TAFA5: variants seen among roughly 807,000 people sequenced by gnomAD.
The protein encoded by TAFA5 is chemokine-like protein TAFA-5.
In TAFA5, 6 loss-of-function variants were observed where a neutral mutation model predicts 15.3. The ratio of observed to expected loss-of-function variants is 0.39; its 90% CI spans 0.21 to 0.77. The LOEUF is 0.77. Among genes scored for constraint, TAFA5 ranks in the 30% least tolerant of loss-of-function variants. The probability of loss-of-function intolerance (pLI) is 0.41; values close to 1 mark genes in which losing one functional copy is unlikely to be tolerated. For synonymous variants in TAFA5, 103 were observed against 80.7 expected (o/e 1.28, Z -1.48); for missense variants, 161 against 193.1 (o/e 0.83, Z 0.98).
intron 1 of TAFA5, among the ~76,000 whole-genome samples, chr22:48,606,126 A>G (rs1925185570): frequency 6.6e-6 from 1 of 152,164 alleles, no homozygotes; most frequent in African/African-American, 2.4e-5. Flanking sequence ...GAGCCCCATG[A>G]GAGTCAGCAG....
intron 1 of TAFA5, among the ~76,000 whole-genome samples, chr22:48,641,736 C>T (rs1188512993): frequency 6.6e-6 from 1 of 152,140 alleles, no homozygotes; most frequent in East Asian, 1.9e-4. Context: ...CCAGGCCAAC[C>T]CAGCGGAAAG....
intron 2 of TAFA5, among the ~76,000 whole-genome samples, chr22:48,701,929 G>A (rs1217084930): frequency 1.3e-5 from 2 of 152,236 alleles, no homozygotes; most frequent in African/African-American, 4.8e-5. Context: ...TCATCCCGGG[G>A]ACTGGGGGGC....
At chr22:48,593,774 C>T (rs966471400) in intron 1 of TAFA5, among the ~76,000 whole-genome samples, 1 of 152,122 alleles carries the variant, frequency 6.6e-6, no homozygotes, top group African/African-American at 2.4e-5. Flanking sequence ...CTCCACTTCC[C>T]GATCTGTGAA....
chr22:48,601,419 C>T (rs1405436799), intron 1 of TAFA5, among the ~76,000 whole-genome samples: 1 of 152,110 alleles, frequency 6.6e-6, no homozygotes, highest in Non-Finnish European at 1.5e-5. Flanking sequence ...CTCTGCCTCC[C>T]AGGCTCAAGC....
chr22:48,517,410 AC>A (rs1921449554), intron 1 of TAFA5, among the ~76,000 whole-genome samples: 1 of 151,558 alleles, frequency 6.6e-6, no homozygotes, highest in Non-Finnish European at 1.5e-5. Context: ...AGCAGCCCTG[AC>A]CCCCACCACC....
At chr22:48,624,595 C>T (rs7292688) in intron 1 of TAFA5, among the ~76,000 whole-genome samples, 27,355 of 152,106 alleles carry the variant, frequency 0.18, 2,857 homozygotes, top group African/African-American at 0.27. Context: ...TACCGGGTTG[C>T]CAGGTATGTT....
At chr22:48,678,968 G>GGC (rs1569075868) in intron 2 of TAFA5, among the ~76,000 whole-genome samples, 1 of 133,078 alleles carries the variant, frequency 7.5e-6, no homozygotes. Flanking sequence ...TCCCTCTCCC[G>GGC]TCTCCCCGTC....
rs190646043 is a variant in TAFA5, at chr22:48,623,179, A to G, written c.113-23418A>G. Among the ~76,000 whole-genome samples the G allele has an allele frequency of 3.8e-3, 571 of 152,226 alleles. 4 individuals are homozygous for G. Among genetic ancestry groups the G allele is most frequent in the African/African-American group, 0.013 (556 of 41,512 alleles). On this transcript the variant is annotated intron_variant, in intron 1 of 3. Coordinates refer to ENST00000402357, the MANE Select transcript of TAFA5 (RefSeq NM_001082967.3). ...CCTGACGGCGGTGGGATGGATGAGC[A>G]TGGTTTCGCCAGCAGCCGCAGCCTG...
At chr22:48,641,688 A>G (rs931822073) in intron 1 of TAFA5, among the ~76,000 whole-genome samples, 1 of 147,812 alleles carries the variant, frequency 6.8e-6, no homozygotes, top group Non-Finnish European at 1.5e-5. Context: ...GCGTGTGCAC[A>G]CGGCCTCGCT....
chr22:48,689,464 A>G (rs1928470057), intron 2 of TAFA5, among the ~76,000 whole-genome samples: 1 of 152,190 alleles, frequency 6.6e-6, no homozygotes, highest in Admixed American at 6.5e-5. Context: ...CCTCAGACCC[A>G]GGGCCAGAAG....
At chr22:48,518,125 C>A (rs1921478921) in intron 1 of TAFA5, among the ~76,000 whole-genome samples, 1 of 152,206 alleles carries the variant, frequency 6.6e-6, no homozygotes, top group Admixed American at 6.5e-5. Context: ...GGGCTCCTCT[C>A]ACATTGTCAG....
At chr22:48,674,154 G>A (rs548022337) in intron 2 of TAFA5, among the ~76,000 whole-genome samples, 36 of 152,252 alleles carry the variant, frequency 2.4e-4, no homozygotes, top group Admixed American at 5.2e-4. Context: ...TGCTTGGGCC[G>A]GGCGGTGCAG....
intron 2 of TAFA5, among the ~76,000 whole-genome samples, chr22:48,702,898 A>G (rs936058783): frequency 4.8e-4 from 73 of 152,182 alleles, no homozygotes; most frequent in African/African-American, 1.7e-3. Flanking sequence ...CCGTCAAACA[A>G]AAGGTGTTGT....
chr22:48,541,222 A>C (rs550286662), intron 1 of TAFA5, among the ~76,000 whole-genome samples: 1 of 150,932 alleles, frequency 6.6e-6, no homozygotes, highest in East Asian at 1.9e-4. Flanking sequence ...AACCTGTACC[A>C]TTTGGGGCAC....
chr22:48,514,497 C>T (rs1921333677), intron 1 of TAFA5, among the ~76,000 whole-genome samples: 2 of 152,188 alleles, frequency 1.3e-5, no homozygotes, highest in Non-Finnish European at 2.9e-5. Flanking sequence ...ATTGAGGTGG[C>T]CGCGGCTCCT....
chr22:48,582,364 GTACCACACACAAAATACACCACA>G (rs1569034114), intron 1 of TAFA5, among the ~76,000 whole-genome samples: 2 of 60,108 alleles, frequency 3.3e-5, no homozygotes, highest in Admixed American at 1.5e-4. Flanking sequence ...AATACACCAC[GTACCACACACAAAATACACCACA>G]TACCACACAC....
chr22:48,682,525 C>T (rs893044126), intron 2 of TAFA5, among the ~76,000 whole-genome samples: 1 of 152,230 alleles, frequency 6.6e-6, no homozygotes, highest in Non-Finnish European at 1.5e-5. Flanking sequence ...TCTTGACATC[C>T]TTACCAGCGG....
chr22:48,590,439 G>T (rs1247523238), intron 1 of TAFA5, among the ~76,000 whole-genome samples: 1 of 152,196 alleles, frequency 6.6e-6, no homozygotes, highest in African/African-American at 2.4e-5. Context: ...TTCCATTCAC[G>T]GGCTGATGGG....
intron 1 of TAFA5, among the ~76,000 whole-genome samples, chr22:48,577,643 T>G (rs149242441): frequency 2.0e-3 from 312 of 152,326 alleles, no homozygotes; most frequent in African/African-American, 7.4e-3. Context: ...GACTAATTAA[T>G]GAGCCGCCGG....
Sources: gnomAD v4.1 joint callset for allele counts (sites outside exome capture counted in the v4.1 genomes callset) on GRCh38, gnomAD v4.1.1 for gene constraint, MANE v1.5 for transcripts, NCBI Gene and HGNC (gene_info 2026-07-23, HGNC 2026-07-21) for gene names.